Variants in RAB38 observed in about 807,000 individuals in gnomAD.
The protein encoded by RAB38 is RAB38, member RAS oncogene family.
A neutral mutation model predicts 18.4 loss-of-function variants in RAB38; 15 were observed. The observed-to-expected ratio is 0.82, with a 90% confidence interval of 0.55 to 1.26. The LOEUF (loss-of-function observed/expected upper bound fraction) is 1.26, where lower values mean the gene tolerates loss of function less well. RAB38 is among the 50% of genes most tolerant of loss of function. The pLI is 0.00. For synonymous variants in RAB38, 101 were observed against 104.4 expected (o/e 0.97, Z 0.20); for missense variants, 294 against 267.4 (o/e 1.10, Z -0.69).
the RAB38 span, among the ~76,000 whole-genome samples, chr11:87,850,317 A>G: frequency 6.6e-6 from 1 of 152,134 alleles, no homozygotes; most frequent in South Asian, 2.1e-4. Context: ...CTTTTAACAT[A>G]CACACATATG....
the RAB38 span, among the ~76,000 whole-genome samples, chr11:87,976,405 ATATT>A: frequency 2.4e-5 from 3 of 125,894 alleles, no homozygotes; most frequent in African/African-American, 6.4e-5. Flanking sequence ...ACATATTTAT[ATATT>A]TATATATATT....
At chr11:87,911,963 AGAT>A in the RAB38 span, among the ~76,000 whole-genome samples, 1 of 151,814 alleles carries the variant, frequency 6.6e-6, no homozygotes, top group African/African-American at 2.4e-5. Flanking sequence ...ATATTTATTG[AGAT>A]GATCTTTTTT....
chr11:87,851,096 GA>G, the RAB38 span, among the ~76,000 whole-genome samples: 1 of 151,888 alleles, frequency 6.6e-6, no homozygotes, highest in Non-Finnish European at 1.5e-5. Flanking sequence ...CCTTCCCTTT[GA>G]AAAAAAGTAT....
chr11:88,087,964 G>A, the RAB38 span, among the ~76,000 whole-genome samples: 1 of 151,882 alleles, frequency 6.6e-6, no homozygotes, highest in Non-Finnish European at 1.5e-5. Flanking sequence ...TAATATTACA[G>A]GAGCTGAAAA....
the RAB38 span, among the ~76,000 whole-genome samples, chr11:88,098,927 T>C: frequency 1.3e-5 from 2 of 151,690 alleles, no homozygotes; most frequent in Non-Finnish European, 2.9e-5. Context: ...TACTGAAAAA[T>C]ATTTTTTTGT....
chr11:88,010,824 C>G, the RAB38 span, among the ~76,000 whole-genome samples: 8 of 152,158 alleles, frequency 5.3e-5, no homozygotes, highest in Non-Finnish European at 1.0e-4. Flanking sequence ...TAATCTCAAC[C>G]CTTTTACCTT....
At chr11:88,008,998 C>T in the RAB38 span, among the ~76,000 whole-genome samples, 4 of 152,194 alleles carry the variant, frequency 2.6e-5, no homozygotes, top group East Asian at 3.9e-4. Context: ...AGTAAACAAA[C>T]GTGGTCTCTA....
the RAB38 span, among the ~76,000 whole-genome samples, chr11:87,845,840 T>C: frequency 2.0e-5 from 3 of 152,094 alleles, no homozygotes; most frequent in Middle Eastern, 3.2e-3. Context: ...TGTTGATTTC[T>C]CATCAGAAAC....
chr11:87,972,708 T>G, the RAB38 span, among the ~76,000 whole-genome samples: 28 of 152,160 alleles, frequency 1.8e-4, no homozygotes, highest in Non-Finnish European at 3.5e-4. Context: ...TGAATATTTT[T>G]TACCTATATA....
the RAB38 span, among the ~76,000 whole-genome samples, chr11:87,864,628 A>C: frequency 6.6e-6 from 1 of 151,698 alleles, no homozygotes; most frequent in Non-Finnish European, 1.5e-5. Flanking sequence ...ACTGAGGCTC[A>C]AAAAAATAAA....
the RAB38 span, among the ~76,000 whole-genome samples, chr11:88,070,162 C>T: frequency 4.6e-5 from 7 of 152,262 alleles, no homozygotes; most frequent in East Asian, 1.9e-4. Context: ...ACACTCACCA[C>T]GAAGGTCTGC....
At chr11:88,110,816 AAAAAAAAAAAAG>A (rs371266558), downstream of RAB38, among the ~76,000 whole-genome samples, 2,250 of 150,660 alleles carry the variant, frequency 0.015, 51 homozygotes, top group African/African-American at 0.052. Context: ...TCCATCTCAA[AAAAAAAAAAAAG>A]AAAAAAGAAA....
the RAB38 span, chr11:87,816,017 G>A: frequency 6.6e-6 from 1 of 152,352 alleles, no homozygotes; most frequent in Non-Finnish European, 1.5e-5. Flanking sequence ...GAATAGTCCT[G>A]TAATGATTTG....
At chr11:88,044,620 TA>T in the RAB38 span, among the ~76,000 whole-genome samples, 4 of 152,170 alleles carry the variant, frequency 2.6e-5, no homozygotes, top group Non-Finnish European at 5.9e-5. Flanking sequence ...ATTATTGCCG[TA>T]AAATGGGCAA....
the RAB38 span, among the ~76,000 whole-genome samples, chr11:87,845,259 T>C: frequency 1.3e-5 from 2 of 152,182 alleles, no homozygotes; most frequent in African/African-American, 2.4e-5. Flanking sequence ...ATGACACAGA[T>C]GGAATAGGTC....
the RAB38 span, among the ~76,000 whole-genome samples, chr11:87,867,378 C>T: frequency 6.6e-6 from 1 of 151,582 alleles, no homozygotes; most frequent in African/African-American, 2.4e-5. Context: ...AATTAAAATG[C>T]CATAAAGAAG....
the RAB38 span, among the ~76,000 whole-genome samples, chr11:87,888,370 G>C: frequency 2.0e-5 from 3 of 151,938 alleles, no homozygotes; most frequent in African/African-American, 7.2e-5. Context: ...TGAACAGCCA[G>C]AAAAAGTGAA....
chr11:87,964,655 G>T, the RAB38 span, among the ~76,000 whole-genome samples: 2 of 152,000 alleles, frequency 1.3e-5, no homozygotes, highest in African/African-American at 4.8e-5. Context: ...GGTATTACCT[G>T]CTTCCTCCTT....
the RAB38 span, among the ~76,000 whole-genome samples, chr11:88,032,443 A>T: frequency 1.3e-5 from 2 of 152,084 alleles, no homozygotes. Context: ...GTGAACAGGC[A>T]ACCTACAAAA....
Sources: allele counts gnomAD v4.1 joint callset (sites outside exome capture counted in the v4.1 genomes callset), GRCh38; gene constraint gnomAD v4.1.1; transcripts MANE v1.5; gene names NCBI Gene and HGNC (gene_info 2026-07-23, HGNC 2026-07-21).